Variants in SLC36A1 observed in about 807,000 individuals in gnomAD.
The protein encoded by SLC36A1 is proton-coupled amino acid transporter 1.
SLC36A1 carries 30 observed loss-of-function variants against 47.5 expected under a neutral mutation model. The observed-to-expected ratio is 0.63, with a 90% CI of 0.47 to 0.86. SLC36A1 has a LOEUF of 0.86. SLC36A1 is among the 40% of genes least tolerant of loss of function. The probability of loss-of-function intolerance (pLI) is 0.00; values close to 1 mark genes in which losing one functional copy is unlikely to be tolerated. For missense variants in SLC36A1, 517 were observed against 606.0 expected, an observed-to-expected ratio of 0.85 and a Z score of 1.54; for synonymous variants, 255 against 249.7, an observed-to-expected ratio of 1.02 and a Z score of -0.20.
At chr5:151,436,167 G>A (rs1344657635), upstream of SLC36A1, among the ~76,000 whole-genome samples, 2 of 152,100 alleles carry the variant, frequency 1.3e-5, no homozygotes, top group Non-Finnish European at 2.9e-5. Context: ...GTGTACAGTT[G>A]AATGAGTTTT....
intron 1 of SLC36A1, 53 bp downstream of exon 1, chr5:151,447,866 G>A (rs60102751): frequency 0.042 from 6,431 of 152,396 alleles, 444 homozygotes; most frequent in African/African-American, 0.15. Flanking sequence ...TGGCGTCCCC[G>A]GGCCGCAGCT....
At chr5:151,545,246 C>T in the SLC36A1 span, 2 of 1,614,150 alleles carry the variant, frequency 1.2e-6, no homozygotes, top group Non-Finnish European at 1.7e-6. Context: ...TTGTCAAGCA[C>T]TTGGGTCAAA....
chr5:151,465,728 G>A (rs766219400), intron 5 of SLC36A1, among the ~76,000 whole-genome samples: 4 of 152,050 alleles, frequency 2.6e-5, no homozygotes, highest in South Asian at 4.1e-4. Flanking sequence ...TTCTCTTGTC[G>A]GCTGTGCCAG....
At chr5:151,521,889 C>T in the SLC36A1 span, 5 of 1,614,106 alleles carry the variant, frequency 3.1e-6, no homozygotes, top group Non-Finnish European at 3.4e-6. Flanking sequence ...CCTCTTCTGC[C>T]AGGCTATAGG....
At chr5:151,455,647 C>T (rs1026592802) in intron 1 of SLC36A1, among the ~76,000 whole-genome samples, 1 of 152,062 alleles carries the variant, frequency 6.6e-6, no homozygotes, top group Non-Finnish European at 1.5e-5. Flanking sequence ...TAGGTGTCAA[C>T]CTAAAGGAAG....
At chr5:151,433,449 GT>G (rs148650596), upstream of SLC36A1, among the ~76,000 whole-genome samples, 2,467 of 145,148 alleles carry the variant, frequency 0.017, 70 homozygotes, top group African/African-American at 0.059. Context: ...ACATCCAGCT[GT>G]TTTTTTTTGT....
chr5:151,371,516 AAT>A, the SLC36A1 span, among the ~76,000 whole-genome samples: 1 of 152,152 alleles, frequency 6.6e-6, no homozygotes. Flanking sequence ...GTCACATTAT[AAT>A]ATGTTAAAGC....
At chr5:151,433,245 T>A (rs1580998374), upstream of SLC36A1, among the ~76,000 whole-genome samples, 1 of 13,372 alleles carries the variant, frequency 7.5e-5, no homozygotes, top group South Asian at 2.3e-3. Context: ...TATATATATA[T>A]ATATATATAT....
Position 151,488,089 on chromosome 5 carries a change from C to A in SLC36A1, c.1266C>A (p.Thr422=). The change falls in exon 11 of 11, where the codon ACC becomes ACA. Residue 422 remains threonine, a synonymous_variant. Coordinates refer to ENST00000243389, the MANE Select transcript of SLC36A1 (RefSeq NM_078483.4). ...TCATCCCACCGCTCCTGGAGGTCACCACCTTCTACTCAGAGGGCATGAGCC... is the reference window on the plus strand; with the variant it reads ...TCATCCCACCGCTCCTGGAGGTCACAACCTTCTACTCAGAGGGCATGAGCC... The part of the protein sequence containing the change: ...ALIIPPLLEV[T]TFYSEGMSPL... 6.2e-7 allele frequency: 1 copy of A among 1,614,198 alleles called. No homozygotes were observed. The highest frequency in any genetic ancestry group is 8.5e-7 in the Non-Finnish European group (1 of 1,180,032).
At chr5:151,553,290 G>C in the SLC36A1 span, 5 of 1,614,262 alleles carry the variant, frequency 3.1e-6, no homozygotes, top group South Asian at 4.4e-5. Flanking sequence ...CTCATCAAAG[G>C]CCAGAGGGAT....
At chr5:151,355,475 A>G in the SLC36A1 span, among the ~76,000 whole-genome samples, 1 of 152,218 alleles carries the variant, frequency 6.6e-6, no homozygotes, top group Admixed American at 6.5e-5. Context: ...TAACTCTGCA[A>G]TTTAATTTCT....
At chr5:151,543,599 T>C in the SLC36A1 span, 9 of 1,614,122 alleles carry the variant, frequency 5.6e-6, no homozygotes, top group Middle Eastern at 1.6e-4. Context: ...TAGGGACCAC[T>C]ATCTTTGTCT....
At chr5:151,376,607 A>G in the SLC36A1 span, among the ~76,000 whole-genome samples, 2 of 151,976 alleles carry the variant, frequency 1.3e-5, no homozygotes, top group African/African-American at 4.8e-5. Flanking sequence ...TCTCAGAATT[A>G]TGTTGTATAT....
chr5:151,538,938 G>A, the SLC36A1 span, among the ~76,000 whole-genome samples: 11 of 151,790 alleles, frequency 7.2e-5, no homozygotes, highest in Middle Eastern at 3.4e-3. Context: ...CGCCTGCCTC[G>A]GCCTCCCAAA....
At chr5:151,350,270 G>A in the SLC36A1 span, among the ~76,000 whole-genome samples, 1 of 152,262 alleles carries the variant, frequency 6.6e-6, no homozygotes, top group South Asian at 2.1e-4. Flanking sequence ...CTCTAGATGA[G>A]GTGTGTTACA....
chr5:151,356,339 C>CAAAAAAAAAAAAAAAAAAAAAAAAAAAA, the SLC36A1 span, among the ~76,000 whole-genome samples: 121 of 51,294 alleles, frequency 2.4e-3, 6 homozygotes, highest in Non-Finnish European at 3.6e-3. Flanking sequence ...CTCTGTCTCA[C>CAAAAAAAAAAAAAAAAAAAAAAAAAAAA]AAAAAAAAAA....
the SLC36A1 span, chr5:151,550,597 G>C: frequency 6.2e-6 from 10 of 1,614,084 alleles, no homozygotes; most frequent in South Asian, 9.9e-5. Context: ...CACCATGACT[G>C]TCAGTGTGTG....
At chr5:151,501,345 C>T in the SLC36A1 span, among the ~76,000 whole-genome samples, 1 of 151,302 alleles carries the variant, frequency 6.6e-6, no homozygotes, top group African/African-American at 2.5e-5. Context: ...CTTCTTTGCC[C>T]AGCTGGATTG....
the SLC36A1 span, chr5:151,525,735 T>A: frequency 6.2e-7 from 1 of 1,612,622 alleles, no homozygotes. Flanking sequence ...ACTGTCCCCA[T>A]GGTCACCACC....
Sources: allele counts gnomAD v4.1 joint callset (sites outside exome capture counted in the v4.1 genomes callset), GRCh38; gene constraint gnomAD v4.1.1; transcripts MANE v1.5; gene names NCBI Gene and HGNC (gene_info 2026-07-23, HGNC 2026-07-21).